CDH4: variants seen among roughly 807,000 people sequenced by gnomAD.
The protein encoded by CDH4 is cadherin 4, also known as cadherin-4.
CDH4 carries 33 observed loss-of-function variants against 86.0 expected under a neutral mutation model. The ratio of observed to expected loss-of-function variants is 0.38; its 90% confidence interval spans 0.29 to 0.51. The LOEUF is 0.51. Among genes scored for constraint, CDH4 ranks in the 20% least tolerant of loss-of-function variants. The pLI is 0.86. For synonymous variants in CDH4, 555 were observed against 549.4 expected, an observed-to-expected ratio of 1.01 and a Z score of -0.14; for missense variants, 1,114 against 1,307.4, an observed-to-expected ratio of 0.85 and a Z score of 2.28.
chr20:61,768,419 A>G (rs765564603), intron 3 of CDH4, among the ~76,000 whole-genome samples: 1 of 152,212 alleles, frequency 6.6e-6, no homozygotes, highest in Non-Finnish European at 1.5e-5. Context: ...ACATGTGCGC[A>G]TGTGTACTAT....
At chr20:61,781,753 A>G (rs528549976) in intron 4 of CDH4, among the ~76,000 whole-genome samples, 2 of 152,354 alleles carry the variant, frequency 1.3e-5, no homozygotes, top group South Asian at 4.1e-4. Flanking sequence ...ACAAACTTAC[A>G]GATTCAAGAA....
At position 61,282,030 on chromosome 20, in the gene CDH4, C is replaced by T. The variant is rs543711340; in HGVS notation, c.169+27093C>T. On this transcript the variant is annotated intron_variant, in intron 2 of 15. Transcript: ENST00000614565. ...CGTTGGAAGAAGGAAGAATGCACCTCGGAAGCACGCATGGCATATTGTGGT... is the reference window on the plus strand; with the variant it reads ...CGTTGGAAGAAGGAAGAATGCACCTTGGAAGCACGCATGGCATATTGTGGT... Among the ~76,000 whole-genome samples, 5 of 152,272 alleles carry T rather than the reference C, an allele frequency of 3.3e-5. No individual in the cohort carries two copies. The South Asian group carries it at 8.3e-4, about 25-fold the overall frequency.
At chr20:61,273,232 GGGGGAGTACAGTGTGCAGTTTA>G in intron 2 of CDH4, among the ~76,000 whole-genome samples, 1 of 135,502 alleles carries the variant, frequency 7.4e-6, no homozygotes, top group Non-Finnish European at 1.6e-5. Flanking sequence ...TGTGCAGTTT[GGGGGAGTACAGTGTGCAGTTTA>G]GGGGAGTACC....
rs2084918152 is a variant in CDH4, at chr20:61,383,279, A to ATATATATGAATATATG, written c.169+128343_169+128344insATATATGAATATATGT. ...GAATATATGTGATATATATGAATAT[A>ATATATATGAATATATG]TGATATATATGAATATATGTGATAT... On this transcript the variant is annotated intron_variant, in intron 2 of 15. Transcript: ENST00000614565. Among the ~76,000 whole-genome samples the ATATATATGAATATATG allele has an allele frequency of 7.4e-5, 8 of 108,538 alleles. No individual in the cohort carries two copies. The South Asian group carries it at 2.2e-3, about 29-fold the overall frequency. 71.2% of individuals were successfully genotyped at this position (108,538 alleles called of 152,430 possible).
chr20:61,604,688 G>T (rs2086628965), intron 2 of CDH4, among the ~76,000 whole-genome samples: 1 of 152,104 alleles, frequency 6.6e-6, no homozygotes, highest in African/African-American at 2.4e-5. Flanking sequence ...ACGTGCACAT[G>T]CATCCCTCTA....
At chr20:61,622,127 G>A in intron 2 of CDH4, among the ~76,000 whole-genome samples, 1 of 152,222 alleles carries the variant, frequency 6.6e-6, no homozygotes, top group East Asian at 1.9e-4. Flanking sequence ...TCCAGCAGCA[G>A]TACATGCCAC....
intron 2 of CDH4, among the ~76,000 whole-genome samples, chr20:61,606,099 G>A (rs1037871262): frequency 6.6e-5 from 10 of 152,188 alleles, no homozygotes; most frequent in African/African-American, 2.2e-4. Flanking sequence ...TGCAGGTGAT[G>A]GGCATGGCAG....
At chr20:61,842,232 G>A (rs903434496) in intron 4 of CDH4, among the ~76,000 whole-genome samples, 3 of 152,344 alleles carry the variant, frequency 2.0e-5, no homozygotes, top group Non-Finnish European at 4.4e-5. Context: ...ATTCAGGCGC[G>A]ATGAAGGAGG....
At chr20:61,531,074 A>AG (rs879366872) in intron 2 of CDH4, among the ~76,000 whole-genome samples, 19,783 of 152,116 alleles carry the variant, frequency 0.13, 1,382 homozygotes, top group African/African-American at 0.16. Flanking sequence ...CTGCTGAGGG[A>AG]AATTCGGTAC....
chr20:61,426,061 TC>T (rs1365654656), intron 2 of CDH4, among the ~76,000 whole-genome samples: 1 of 152,260 alleles, frequency 6.6e-6, no homozygotes, highest in East Asian at 1.9e-4. Flanking sequence ...GAGATTTGAC[TC>T]CTTACTAACT....
chr20:61,750,057 T>TC (rs1037929253), intron 3 of CDH4, among the ~76,000 whole-genome samples: 2 of 150,414 alleles, frequency 1.3e-5, no homozygotes, highest in African/African-American at 4.9e-5. Flanking sequence ...CAAGACCCTA[T>TC]CAAAAAAAAA....
At chr20:61,618,555 C>A (rs1838114771) in intron 2 of CDH4, among the ~76,000 whole-genome samples, 1 of 152,106 alleles carries the variant, frequency 6.6e-6, no homozygotes, top group African/African-American at 2.4e-5. Context: ...CCTGTGTGCT[C>A]AGCCCTTGGA....
intron 2 of CDH4, among the ~76,000 whole-genome samples, chr20:61,735,258 A>G (rs2145930989): frequency 6.6e-6 from 1 of 152,258 alleles, no homozygotes; most frequent in African/African-American, 2.4e-5. Flanking sequence ...GGAATTAGGG[A>G]CCCCAGAAGC....
At chr20:61,833,710 G>GTC (rs1981732481) in intron 4 of CDH4, among the ~76,000 whole-genome samples, 1 of 152,064 alleles carries the variant, frequency 6.6e-6, no homozygotes, top group Admixed American at 6.5e-5. Flanking sequence ...ACTGAGCACA[G>GTC]TACTCAGCCC....
At chr20:61,616,561 G>C (rs1254598876) in intron 2 of CDH4, among the ~76,000 whole-genome samples, 3 of 152,174 alleles carry the variant, frequency 2.0e-5, no homozygotes, top group Admixed American at 6.5e-5. Context: ...CTCCAGGGAG[G>C]GTCAGAGCTT....
At position 61,652,938 on chromosome 20, in the gene CDH4, A is replaced by ATTTTTTTT. The variant is rs763918382; in HGVS notation, c.170-90615_170-90608dup. Among the ~76,000 whole-genome samples the ATTTTTTTT allele has an allele frequency of 1.1e-4, 11 of 97,402 alleles. 1 individual carries two copies. Among genetic ancestry groups the ATTTTTTTT allele is most frequent in the Admixed American group, 3.2e-4 (3 of 9,508 alleles). 63.9% of individuals were successfully genotyped at this position (97,402 alleles called of 152,430 possible). A position where few individuals can be genotyped will look rare whatever the true frequency, so the allele number is the denominator to read the frequency against. On this transcript the variant is annotated intron_variant, in intron 2 of 15. Coordinates refer to ENST00000614565, the MANE Select transcript of CDH4 (RefSeq NM_001794.5). ...TTTGAATTTATTTATTTATTTATTTATTTTTTTTTTTTTTTTTATTGATCA... is the reference window on the plus strand; with the variant it reads ...TTTGAATTTATTTATTTATTTATTTATTTTTTTTTTTTTTTTTTTTTTTTTATTGATCA...
chr20:61,781,109 T>C (rs1185347880), intron 4 of CDH4, among the ~76,000 whole-genome samples: 1 of 152,100 alleles, frequency 6.6e-6, no homozygotes, highest in Non-Finnish European at 1.5e-5. Flanking sequence ...GGGAAACACA[T>C]TGAGATATGC....
At chr20:61,333,373 G>C (rs575171129) in intron 2 of CDH4, among the ~76,000 whole-genome samples, 352 of 152,268 alleles carry the variant, frequency 2.3e-3, no homozygotes, top group South Asian at 0.01. Context: ...CCTCAATTCA[G>C]ACATTGCAGG....
intron 2 of CDH4, among the ~76,000 whole-genome samples, chr20:61,652,349 A>G (rs562449616): frequency 1.6e-5 from 1 of 62,320 alleles, no homozygotes; most frequent in East Asian, 3.1e-4. Flanking sequence ...TACATACTAA[A>G]TAGCACGAGG....
Sources: gnomAD v4.1 joint callset for allele counts (sites outside exome capture counted in the v4.1 genomes callset) on GRCh38, gnomAD v4.1.1 for gene constraint, MANE v1.5 for transcripts, NCBI Gene and HGNC (gene_info 2026-07-23, HGNC 2026-07-21) for gene names.